The following XRN2 variants were observed in gnomAD, a reference collection of about 807,000 sequenced individuals.
XRN2 encodes the protein 5'-3' exoribonuclease 2.
In XRN2, 44 loss-of-function variants were observed where a neutral mutation model predicts 138.5. The ratio of observed to expected loss-of-function variants is 0.32; its 90% CI spans 0.25 to 0.41. XRN2 has a LOEUF of 0.41. Ranked by LOEUF, XRN2 falls within the 10% of genes least tolerant of loss-of-function variation. The probability of loss-of-function intolerance (pLI) is 1.00; values close to 1 mark genes in which losing one functional copy is unlikely to be tolerated. For missense variants in XRN2, 937 were observed against 1,169.3 expected, an observed-to-expected ratio of 0.80 and a Z score of 2.90; for synonymous variants, 354 against 369.4, an observed-to-expected ratio of 0.96 and a Z score of 0.48.
chr20:21,328,135 C>G (rs750312563), intron 3 of XRN2, among the ~76,000 whole-genome samples: 4 of 152,094 alleles, frequency 2.6e-5, no homozygotes, highest in African/African-American at 4.8e-5. Flanking sequence ...ACCATTCTTC[C>G]TTTTAGGTGT....
chr20:21,329,724 A>G (rs540998334), intron 4 of XRN2, among the ~76,000 whole-genome samples: 1 of 152,198 alleles, frequency 6.6e-6, no homozygotes, highest in Admixed American at 6.5e-5. Flanking sequence ...AAAAAATAGG[A>G]TTTTTATATT....
chr20:21,372,103 A>G (rs534022089), intron 27 of XRN2, among the ~76,000 whole-genome samples: 1 of 152,154 alleles, frequency 6.6e-6, no homozygotes, highest in Admixed American at 6.5e-5. Context: ...AAATTGGGAG[A>G]TATGTTTTGT....
At chr20:21,328,721 A>G in intron 4 of XRN2, 51 bp downstream of exon 4, 1 of 1,543,258 alleles carries the variant, frequency 6.5e-7, no homozygotes, top group Middle Eastern at 1.7e-4. Context: ...TGTATGCAGA[A>G]TGAGGGGGTG....
chr20:21,389,276 T>C lies in XRN2; in HGVS notation c.2791T>C (p.Tyr931His). ...RRDDRGGRQG[Y>H]PREGRKYPLP... Reference sequence around the variant, plus strand: ...TCTTTCTTTTGTTTATTTTCAGGGATATCCCAGAGAAGGAAGGAAATACCC... The same window carrying C: ...TCTTTCTTTTGTTTATTTTCAGGGACATCCCAGAGAAGGAAGGAAATACCC... The change falls in exon 30 of 30, where the codon TAT (tyrosine) becomes CAT (histidine). Residue 931 changes from tyrosine (Y) to histidine (H), a missense_variant. Tyr to His is a moderately conservative substitution (Grantham distance 83). Transcript: ENST00000377191. 1 of 1,612,922 alleles carries C rather than the reference T, an allele frequency of 6.2e-7. No homozygotes were observed. The highest frequency in any genetic ancestry group is 8.5e-7 in the Non-Finnish European group (1 of 1,179,496).
chr20:21,383,110 A>T (rs2038902850), intron 28 of XRN2, among the ~76,000 whole-genome samples: 1 of 152,212 alleles, frequency 6.6e-6, no homozygotes, highest in South Asian at 2.1e-4. Flanking sequence ...AAGAGGATAA[A>T]AGGAATCATG....
chr20:21,354,652 G>A (rs568481974), intron 20 of XRN2, 137 bp from the exon 21 acceptor site: 1 of 713,524 alleles, frequency 1.4e-6, no homozygotes, highest in South Asian at 2.0e-5. Flanking sequence ...GGCTTAATGA[G>A]ACAATAAGAG....
At chr20:21,376,750 A>C (rs2038827228) in intron 27 of XRN2, among the ~76,000 whole-genome samples, 2 of 152,196 alleles carry the variant, frequency 1.3e-5, no homozygotes, top group Non-Finnish European at 2.9e-5. Flanking sequence ...GTTCACTGTG[A>C]TGCCTGGGTG....
chr20:21,340,653 TTTCC>T (rs2038359508), intron 14 of XRN2, 64 bp from the exon 15 acceptor site: 1 of 1,563,464 alleles, frequency 6.4e-7, no homozygotes, highest in Admixed American at 1.8e-5. Context: ...ATTGCCCTTC[TTTCC>T]TTTCTGTCAT....
At chr20:21,336,625 G>C (rs891964563) in intron 13 of XRN2, among the ~76,000 whole-genome samples, 2 of 152,200 alleles carry the variant, frequency 1.3e-5, no homozygotes, top group African/African-American at 4.8e-5. Context: ...CTGAGTGCTA[G>C]TGATACAGCA....
intron 1 of XRN2, among the ~76,000 whole-genome samples, chr20:21,315,509 T>G (rs2037946196): frequency 6.6e-6 from 1 of 152,192 alleles, no homozygotes; most frequent in Non-Finnish European, 1.5e-5. Context: ...CCCTTTTTTT[T>G]GAGACAGGGT....
intron 21 of XRN2, among the ~76,000 whole-genome samples, chr20:21,355,705 T>G (rs7265974): frequency 6.6e-6 from 1 of 151,982 alleles, no homozygotes; most frequent in South Asian, 2.1e-4. Context: ...AATTAAAAAA[T>G]TTTTTTTAAA....
At position 21,348,360 on chromosome 20, in the gene XRN2, T is replaced by C; in HGVS notation, c.1793T>C (p.Leu598Pro). 6.2e-7 allele frequency: 1 copy of C among 1,614,158 alleles called. No individual in the cohort carries two copies. Among genetic ancestry groups the C allele is most frequent in the Non-Finnish European group, 8.5e-7 (1 of 1,180,012 alleles). The stretch of plus-strand genomic sequence containing the variant: ...TTTCAGTTTAAACCACTAGAACAAC[T>C]TATGGGGGTATTTCCAGCTGCAAGT... ...GTKPFKPLEQ[L>P]MGVFPAASGN... Residue 598 changes from leucine (L) to proline (P), a missense_variant, in exon 19 of 30, where the codon CTT becomes CCT. Physicochemically the swap from Leu to Pro is moderately conservative, Grantham distance 98. This residue lies in a region of XRN2 where 5 missense variants were observed against 21.7 expected (regional missense o/e 0.23). Coordinates refer to ENST00000377191, the MANE Select transcript of XRN2 (RefSeq NM_012255.5).
Position 21,303,427 on chromosome 20 carries a change from T to C in XRN2, c.29T>C (p.Leu10Pro). ...GGAGTCCCGGCGTTCTTCCGCTGGC[T>C]CAGCCGCAAGTACCCGTCCATCATA... MGVPAFFRWLSRKYPSIIVN... is the reference protein window; with the variant it reads MGVPAFFRWPSRKYPSIIVN... Residue 10 changes from leucine (L) to proline (P), a missense_variant, in exon 1 of 30, where the codon CTC (leucine) becomes CCC (proline). Around this residue, in one of 6 missense-constraint regions of XRN2, gnomAD observed 32 missense variants for 32.9 expected, o/e 0.97. Coordinates refer to ENST00000377191, the MANE Select transcript of XRN2 (RefSeq NM_012255.5). 1 of 1,548,748 alleles carries C rather than the reference T, an allele frequency of 6.5e-7. No homozygotes were observed.
At chr20:21,373,011 TC>T (rs1257703625) in intron 27 of XRN2, among the ~76,000 whole-genome samples, 5 of 79,318 alleles carry the variant, frequency 6.3e-5, no homozygotes, top group Non-Finnish European at 1.2e-4. Context: ...GTTTTCTTTT[TC>T]TTTTTTTTTG....
chr20:21,385,039 A>G (rs1376004086), intron 28 of XRN2, among the ~76,000 whole-genome samples: 3 of 152,218 alleles, frequency 2.0e-5, no homozygotes, highest in Non-Finnish European at 2.9e-5. Flanking sequence ...TTTCATAAAA[A>G]TTATATTTGT....
chr20:21,323,497 G>T (rs1364748952), intron 1 of XRN2, among the ~76,000 whole-genome samples: 1 of 152,172 alleles, frequency 6.6e-6, no homozygotes, highest in Non-Finnish European at 1.5e-5. Flanking sequence ...AAACGTGTTG[G>T]TATAGCATTG....
At position 21,381,738 on chromosome 20, in the gene XRN2, ACACAG is replaced by A. The variant is rs1462036741; in HGVS notation, c.2585-255_2585-251del. 9.7e-5 allele frequency among the ~76,000 whole-genome samples: 13 copies of A among 133,734 alleles called. No homozygotes were observed. In the South Asian group the frequency reaches 3.1e-3, roughly 32 times the overall value. The allele number at this position is 133,734 out of a possible 152,430, so 87.7% of individuals were successfully genotyped here. ...TACACACACACACACACACACACAC[ACACAG>A]GATTATGTGAGTTTAGTGACCAGGG... is the stretch of plus-strand genomic sequence containing the variant. On this transcript the variant is annotated intron_variant, in intron 27 of 29. Coordinates refer to ENST00000377191, the MANE Select transcript of XRN2 (RefSeq NM_012255.5).
intron 28 of XRN2, among the ~76,000 whole-genome samples, chr20:21,382,440 G>C (rs16982710): frequency 0.1 from 15,234 of 152,222 alleles, 1,342 homozygotes; most frequent in African/African-American, 0.24. Context: ...GGGCAATGCA[G>C]CGTTAGTACA....
At chr20:21,314,226 G>A (rs993449123) in intron 1 of XRN2, among the ~76,000 whole-genome samples, 1 of 151,994 alleles carries the variant, frequency 6.6e-6, no homozygotes, top group African/African-American at 2.4e-5. Context: ...TTAATATTAT[G>A]TTTTCAAAGT....
Sources: gnomAD v4.1 joint callset for allele counts (sites outside exome capture counted in the v4.1 genomes callset) on GRCh38, gnomAD v4.1.1 for gene constraint, gnomAD v4.1.1 regional missense constraint, MANE v1.5 for transcripts, NCBI Gene and HGNC (gene_info 2026-07-23, HGNC 2026-07-21) for gene names.